CSMD2: variants seen among roughly 807,000 people sequenced by gnomAD.
CSMD2 encodes CUB and Sushi multiple domains 2.
A neutral mutation model predicts 398.5 loss-of-function variants in CSMD2; 130 were observed. The ratio of observed to expected loss-of-function variants is 0.33; its 90% CI spans 0.28 to 0.38. The LOEUF is 0.38. CSMD2 is among the 10% of genes least tolerant of loss of function. The pLI, the probability that CSMD2 is intolerant of heterozygous loss-of-function variation, is 1.00. For synonymous variants in CSMD2, 1,828 were observed against 1,908.5 expected (o/e 0.96, Z 1.10); for missense variants, 3,829 against 4,764.9 (o/e 0.80, Z 5.78).
chr1:33,550,373 T>A (rs772258131), intron 55 of CSMD2, 23 bp from the exon 56 acceptor site: 1 of 1,607,914 alleles, frequency 6.2e-7, no homozygotes, highest in Non-Finnish European at 8.5e-7. Flanking sequence ...AGCAAACATC[T>A]CAATGACTCT....
rs796959926 is a variant in CSMD2 at position 34,146,868 on chromosome 1, C to A, written c.187+18043G>T. Among the ~76,000 whole-genome samples, 4 of 151,980 alleles carry A rather than the reference C, an allele frequency of 2.6e-5. No individual in the cohort carries two copies. The South Asian group carries it at 6.2e-4, about 24-fold the overall frequency. On this transcript the variant is annotated intron_variant, in intron 1 of 70. Transcript: ENST00000373381. The stretch of plus-strand genomic sequence containing the variant: ...TCAGTGTGTGGAGTGGGGAGTTATG[C>A]GGTTCTGGAGTTCAGGAGCAAGGTC...
intron 15 of CSMD2, among the ~76,000 whole-genome samples, chr1:33,732,840 C>A (rs1646764289): frequency 6.6e-6 from 1 of 152,240 alleles, no homozygotes; most frequent in Admixed American, 6.5e-5. Flanking sequence ...CTGAGCTCTA[C>A]AACATGCCAG....
chr1:34,091,299 T>C (rs1351337269), intron 1 of CSMD2, among the ~76,000 whole-genome samples: 1 of 152,186 alleles, frequency 6.6e-6, no homozygotes, highest in African/African-American at 2.4e-5. Flanking sequence ...TTTGTTTGTA[T>C]TTACTTAGTG....
intron 3 of CSMD2, among the ~76,000 whole-genome samples, chr1:33,952,688 ACACACACACACACATG>A (rs1338979034): frequency 0.021 from 3,107 of 151,022 alleles, 92 homozygotes; most frequent in African/African-American, 0.073. Flanking sequence ...ACACACACAC[ACACACACACACACATG>A]CACACACACA....
chr1:33,590,139 T>C (rs1384224008), intron 44 of CSMD2, among the ~76,000 whole-genome samples: 2 of 151,932 alleles, frequency 1.3e-5, no homozygotes, highest in African/African-American at 4.8e-5. Context: ...AGGTTTTTTT[T>C]TTTTCAGGGT....
chr1:33,621,427 T>C (rs1641764346), intron 37 of CSMD2, among the ~76,000 whole-genome samples: 1 of 152,244 alleles, frequency 6.6e-6, no homozygotes, highest in Admixed American at 6.5e-5. Flanking sequence ...TGTCTATGTG[T>C]CTACCTCTCT....
intron 3 of CSMD2, among the ~76,000 whole-genome samples, chr1:33,963,010 T>C (rs981106739): frequency 6.6e-6 from 1 of 152,210 alleles, no homozygotes; most frequent in South Asian, 2.1e-4. Flanking sequence ...TATCTGTGAA[T>C]GAATGAATAA....
chr1:34,029,790 T>C (rs1352400436), intron 3 of CSMD2, among the ~76,000 whole-genome samples: 1 of 152,252 alleles, frequency 6.6e-6, no homozygotes, highest in Non-Finnish European at 1.5e-5. Context: ...AGCATTGGTC[T>C]AGCCTTTGCA....
At chr1:33,707,693 GCGCACACACACACACACACACA>G (rs59384067) in intron 22 of CSMD2, among the ~76,000 whole-genome samples, 4,961 of 46,940 alleles carry the variant, frequency 0.11, 247 homozygotes, top group African/African-American at 0.25. Context: ...ACGCGCGCGC[GCGCACACACACACACACACACA>G]CACACACACA....
intron 5 of CSMD2, among the ~76,000 whole-genome samples, chr1:33,887,201 AT>A (rs565173694): frequency 1.1e-3 from 166 of 152,180 alleles, no homozygotes; most frequent in African/African-American, 3.9e-3. Context: ...ATCTTAAAAA[AT>A]ATTCATTCTG....
chr1:33,934,259 G>C (rs1476317304), intron 4 of CSMD2, among the ~76,000 whole-genome samples: 1 of 152,220 alleles, frequency 6.6e-6, no homozygotes, highest in Non-Finnish European at 1.5e-5. Context: ...TGGATGTTCA[G>C]GATCCATGGA....
chr1:33,761,664 T>C (rs1291045770), intron 13 of CSMD2, among the ~76,000 whole-genome samples: 3 of 152,210 alleles, frequency 2.0e-5, no homozygotes, highest in Non-Finnish European at 4.4e-5. Context: ...GAGAGCTCCA[T>C]CATGCATTCT....
At chr1:33,732,643 C>A (rs1375786306) in intron 15 of CSMD2, among the ~76,000 whole-genome samples, 2 of 152,178 alleles carry the variant, frequency 1.3e-5, no homozygotes, top group African/African-American at 4.8e-5. Context: ...TTGTTTAAGG[C>A]ACCAAGTCTG....
chr1:33,999,465 C>A (rs1381154172), intron 3 of CSMD2, among the ~76,000 whole-genome samples: 1 of 152,108 alleles, frequency 6.6e-6, no homozygotes, highest in Non-Finnish European at 1.5e-5. Flanking sequence ...GATCATAGCT[C>A]ACTTACTGCA....
chr1:33,726,558 G>A lies in CSMD2; in HGVS notation c.2496C>T (p.Ile832=). 1.2e-6 allele frequency: 2 copies of A among 1,610,794 alleles called. No homozygotes were observed. The highest frequency in any genetic ancestry group is 1.7e-6 in the Non-Finnish European group (2 of 1,177,816). ...GTGGTCACAAGCACCTGTCGAAGGT[G>A]ATTTTGATGGGGTAGCCTGGCTGGG... is the stretch of plus-strand genomic sequence containing the variant. ...IEAQPGYPIK[I]TFDRFKTEVN... The change falls in exon 16 of 71, where the codon ATC becomes ATT. Residue 832 remains isoleucine (I), a synonymous_variant. Transcript: ENST00000373381.
chr1:33,732,978 C>T (rs775379315), intron 15 of CSMD2, among the ~76,000 whole-genome samples: 2 of 152,150 alleles, frequency 1.3e-5, no homozygotes, highest in African/African-American at 4.8e-5. Context: ...AGAGCTTAGG[C>T]GACTGGCCAG....
At chr1:34,077,362 C>T (rs529840515) in intron 2 of CSMD2, among the ~76,000 whole-genome samples, 53 of 140,326 alleles carry the variant, frequency 3.8e-4, no homozygotes, top group Middle Eastern at 4.1e-3. Flanking sequence ...GAGGCTGAGG[C>T]AGGAGAATGG....
chr1:33,810,620 G>T, intron 10 of CSMD2, 123 bp downstream of exon 10: 1 of 894,656 alleles, frequency 1.1e-6, no homozygotes, highest in Non-Finnish European at 1.6e-6. Flanking sequence ...AAAAAAAAAA[G>T]TAAAAGAACT....
intron 2 of CSMD2, among the ~76,000 whole-genome samples, chr1:34,037,220 T>C (rs1452235468): frequency 1.3e-5 from 2 of 152,222 alleles, no homozygotes; most frequent in Admixed American, 1.3e-4. Flanking sequence ...TCAGTCTCCC[T>C]GGATTGGGCT....
Sources: allele counts gnomAD v4.1 joint callset (sites outside exome capture counted in the v4.1 genomes callset), GRCh38; gene constraint gnomAD v4.1.1; transcripts MANE v1.5; gene names NCBI Gene and HGNC (gene_info 2026-07-23, HGNC 2026-07-21).